TUT7: variants seen among roughly 807,000 people sequenced by gnomAD.
TUT7 encodes the protein terminal uridylyl transferase 7.
In TUT7, 33 loss-of-function variants were observed where a neutral mutation model predicts 165.9. The observed-to-expected ratio is 0.20, with a 90% CI of 0.15 to 0.27. The LOEUF is 0.27. Ranked by LOEUF, TUT7 falls within the 10% of genes least tolerant of loss-of-function variation. TUT7 has a pLI of 1.00. For synonymous variants in TUT7, 552 were observed against 608.1 expected (o/e 0.91, Z 1.36); for missense variants, 1,338 against 1,762.3 (o/e 0.76, Z 4.31).
At chr9:86,349,786 A>G (rs1169439450) in intron 2 of TUT7, among the ~76,000 whole-genome samples, 2 of 152,218 alleles carry the variant, frequency 1.3e-5, no homozygotes, top group African/African-American at 4.8e-5. Context: ...TAGAAACTGA[A>G]TAATTCTTTA....
At chr9:86,320,257 C>CAA (rs10656642) in intron 14 of TUT7, among the ~76,000 whole-genome samples, 30,374 of 112,064 alleles carry the variant, frequency 0.27, 4,581 homozygotes, top group Non-Finnish European at 0.38. Flanking sequence ...AAAAATTTCC[C>CAA]AAAAAAAAAA....
chr9:86,301,504 A>T lies in TUT7; in HGVS notation c.4192T>A (p.Tyr1398Asn), dbSNP rs1000828722. 1.9e-6 allele frequency: 3 copies of T among 1,613,326 alleles called. No individual in the cohort carries two copies. Among genetic ancestry groups the T allele is most frequent in the Middle Eastern group, 3.3e-4 (2 of 6,060 alleles). ...SKEDKEIHNKYTEREVSTKED... is the reference protein window; with the variant it reads ...SKEDKEIHNKNTEREVSTKED... ...TTTGTTGACACCTCCCTTTCTGTGT[A>T]CTTGTTGTGAATTTCTTTGTCCTCT... Residue 1398 changes from tyrosine to asparagine, a missense_variant, in exon 26 of 27, where the codon TAC becomes AAC. Physicochemically the swap from Tyr to Asn is moderately radical, Grantham distance 143. Transcript: ENST00000375963.
chr9:86,340,198 G>GC, intron 7 of TUT7, 93 bp from the exon 8 acceptor site: 1 of 1,033,806 alleles, frequency 9.7e-7, no homozygotes, highest in East Asian at 2.4e-5. Context: ...TTGTCCCTTA[G>GC]CTGTTGAGTC....
Position 86,352,867 on chromosome 9 carries a change from G to A in TUT7, c.333C>T (p.Asp111=). 2 of 1,614,166 alleles carry A rather than the reference G, an allele frequency of 1.2e-6. No individual in the cohort carries two copies. Among genetic ancestry groups the A allele is most frequent in the Non-Finnish European group, 1.7e-6 (2 of 1,180,028 alleles). ...GTCCAGGTTTGAATTCTCTCCAGTTGTCTGAATTACCAGTATGTTCATCAG... is the reference window on the plus strand; with the variant it reads ...GTCCAGGTTTGAATTCTCTCCAGTTATCTGAATTACCAGTATGTTCATCAG... The part of the protein sequence containing the change: ...WLSDEHTGNS[D]NWREFKPGPR... Residue 111 remains aspartate (D), a synonymous_variant, in exon 2 of 27, where the codon GAC becomes GAT. Transcript: ENST00000375963.
chr9:86,342,300 G>A (rs1038847530), intron 6 of TUT7, among the ~76,000 whole-genome samples: 3 of 152,116 alleles, frequency 2.0e-5, no homozygotes, highest in African/African-American at 7.2e-5. Flanking sequence ...TCAGAATATG[G>A]ATTTTTAACA....
At chr9:86,343,879 A>T (rs902107842) in intron 5 of TUT7, among the ~76,000 whole-genome samples, 2 of 152,168 alleles carry the variant, frequency 1.3e-5, no homozygotes, top group East Asian at 1.9e-4. Context: ...ATCCTTTCTC[A>T]TCAGGGGTTG....
intron 25 of TUT7, 139 bp from the exon 26 acceptor site, chr9:86,301,740 C>T: frequency 1.4e-6 from 2 of 1,460,002 alleles, no homozygotes; most frequent in Non-Finnish European, 1.8e-6. Flanking sequence ...AAGCAAGAAC[C>T]TAAATGAAAA....
chr9:86,307,646 T>A (rs1827634518), intron 22 of TUT7, among the ~76,000 whole-genome samples: 1 of 152,160 alleles, frequency 6.6e-6, no homozygotes, highest in African/African-American at 2.4e-5. Flanking sequence ...AAATTGGAAA[T>A]AAACAATCAA....
chr9:86,353,780 G>C (rs1216651642), intron 1 of TUT7, among the ~76,000 whole-genome samples: 2 of 152,136 alleles, frequency 1.3e-5, no homozygotes. Flanking sequence ...GAGGGGCTGG[G>C]CTTCCGACCA....
At chr9:86,346,272 C>T (rs1831750926) in intron 3 of TUT7, 27 bp downstream of exon 3, 5 of 1,592,198 alleles carry the variant, frequency 3.1e-6, no homozygotes, top group South Asian at 1.1e-5. Flanking sequence ...GGATTCTAAC[C>T]AACAAATATA....
chr9:86,348,730 T>G (rs1832001413), intron 2 of TUT7, among the ~76,000 whole-genome samples: 2 of 151,376 alleles, frequency 1.3e-5, no homozygotes, highest in African/African-American at 4.9e-5. Context: ...CCAGCCTGGG[T>G]GACAGAGTGA....
Position 86,323,257 on chromosome 9 carries a change from G to C in TUT7, c.2493C>G (p.Thr831=), listed in dbSNP as rs773546306. 6.2e-7 allele frequency: 1 copy of C among 1,614,064 alleles called. No homozygotes were observed. Among genetic ancestry groups the C allele is most frequent in the South Asian group, 1.1e-5 (1 of 91,080 alleles). The stretch of plus-strand genomic sequence containing the variant: ...CTGATGTCTGGCCCTGTACTGAGTG[G>C]GTAAAGTGGTTTAGAGAGTCTTCTA... ...EELEDSLNHF[T]HSVQGQTSEM... is the part of the protein sequence containing the mutation. Residue 831 remains threonine, a synonymous_variant, in exon 13 of 27, where the codon ACC becomes ACG. Coordinates refer to ENST00000375963, the MANE Select transcript of TUT7 (RefSeq NM_024617.4).
At chr9:86,344,807 G>A in intron 5 of TUT7, 170 bp downstream of exon 5, 1 of 618,354 alleles carries the variant, frequency 1.6e-6, no homozygotes, top group Non-Finnish European at 2.7e-6. Context: ...GCATATGAAA[G>A]TCCTTGTTAC....
At chr9:86,316,327 C>G (rs1828717401) in intron 17 of TUT7, among the ~76,000 whole-genome samples, 1 of 152,108 alleles carries the variant, frequency 6.6e-6, no homozygotes, top group Admixed American at 6.5e-5. Flanking sequence ...GAGATCAGGC[C>G]AAGCGTAGTG....
intron 16 of TUT7, among the ~76,000 whole-genome samples, chr9:86,317,993 TG>T (rs1182564332): frequency 6.6e-6 from 1 of 152,216 alleles, no homozygotes; most frequent in Non-Finnish European, 1.5e-5. Flanking sequence ...GAGCCAATCT[TG>T]CTTATATACT....
chr9:86,345,642 G>C, intron 4 of TUT7, 27 bp downstream of exon 4: 1 of 1,490,736 alleles, frequency 6.7e-7, no homozygotes, highest in Non-Finnish European at 9.3e-7. Flanking sequence ...CAAGTAAGCA[G>C]ACTTGTTTGG....
In TUT7 at chr9:86,323,842, T is replaced by C; in HGVS notation, c.1908A>G (p.Thr636=). 1.9e-6 allele frequency: 3 copies of C among 1,614,200 alleles called. No individual in the cohort carries two copies. Among genetic ancestry groups the C allele is most frequent in the Non-Finnish European group, 2.5e-6 (3 of 1,180,010 alleles). ...YKYFALPHKI[T]KSSLLKPLNA... is the part of the protein sequence containing the mutation. ...TCAGAGGCTTTAGAAGGCTGGATTTTGTAATTTTGTGTGGAAGAGCAAAAT... is the reference window on the plus strand; with the variant it reads ...TCAGAGGCTTTAGAAGGCTGGATTTCGTAATTTTGTGTGGAAGAGCAAAAT... Residue 636 remains threonine, a synonymous_variant, in exon 13 of 27, where the codon ACA becomes ACG. Transcript: ENST00000375963.
chr9:86,338,780 T>C, intron 9 of TUT7, 43 bp downstream of exon 9: 4 of 1,502,828 alleles, frequency 2.7e-6, no homozygotes, highest in Non-Finnish European at 3.6e-6. Flanking sequence ...ATACTGCTTA[T>C]ACATATGTAG....
At chr9:86,354,001 G>A (rs1057091099) in intron 1 of TUT7, among the ~76,000 whole-genome samples, 2 of 151,898 alleles carry the variant, frequency 1.3e-5, no homozygotes, top group African/African-American at 4.9e-5. Context: ...TGGAGAAAGA[G>A]GAGGCGTCCC....
Sources: allele counts gnomAD v4.1 joint callset (sites outside exome capture counted in the v4.1 genomes callset), GRCh38; gene constraint gnomAD v4.1.1; transcripts MANE v1.5; gene names NCBI Gene and HGNC (gene_info 2026-07-23, HGNC 2026-07-21).